RAD51B: variants seen among roughly 807,000 people sequenced by gnomAD.
RAD51B encodes DNA repair protein RAD51 homolog 2.
In RAD51B, 38 loss-of-function variants were observed where a neutral mutation model predicts 42.2. The observed-to-expected ratio is 0.90, with a 90% CI of 0.70 to 1.18. The LOEUF is 1.18. Ranked by LOEUF, RAD51B falls within the 50% of genes most tolerant of loss-of-function variation. The probability of loss-of-function intolerance (pLI) is 0.00; values close to 1 mark genes in which losing one functional copy is unlikely to be tolerated. For synonymous variants in RAD51B, 154 were observed against 145.2 expected, an observed-to-expected ratio of 1.06 and a Z score of -0.43; for missense variants, 373 against 400.7, an observed-to-expected ratio of 0.93 and a Z score of 0.59.
chr14:67,899,084 C>T (rs1294696615), intron 7 of RAD51B, among the ~76,000 whole-genome samples: 1 of 151,870 alleles, frequency 6.6e-6, no homozygotes, highest in Non-Finnish European at 1.5e-5. Context: ...GCTCTGTTGC[C>T]CAGGCTGGAG....
chr14:68,343,878 C>G (rs937203308), intron 8 of RAD51B, among the ~76,000 whole-genome samples: 1 of 152,258 alleles, frequency 6.6e-6, no homozygotes, highest in Non-Finnish European at 1.5e-5. Context: ...GGGCTGCTGG[C>G]TCTGGAGGGC....
intron 10 of RAD51B, among the ~76,000 whole-genome samples, chr14:68,490,147 A>C (rs1283005327): frequency 6.6e-6 from 1 of 152,250 alleles, no homozygotes; most frequent in Non-Finnish European, 1.5e-5. Context: ...ATGGTTTGTT[A>C]TGGAGAATAC....
At chr14:67,954,813 GAGA>G (rs1013649738) in intron 7 of RAD51B, among the ~76,000 whole-genome samples, 25 of 152,142 alleles carry the variant, frequency 1.6e-4, no homozygotes, top group African/African-American at 5.6e-4. Context: ...GGAGTATTTG[GAGA>G]AGAAGAGAAA....
At chr14:67,820,061 G>T (rs1479172233) in intron 1 of RAD51B, among the ~76,000 whole-genome samples, 2 of 152,180 alleles carry the variant, frequency 1.3e-5, no homozygotes, top group Non-Finnish European at 2.9e-5. Flanking sequence ...GGTGGGGAAT[G>T]CTTGGAAGCT....
At chr14:68,260,097 TA>T (rs1243795137) in intron 7 of RAD51B, among the ~76,000 whole-genome samples, 1 of 151,894 alleles carries the variant, frequency 6.6e-6, no homozygotes, top group African/African-American at 2.4e-5. Flanking sequence ...CTGGCTGCTA[TA>T]AAATGGGTGA....
chr14:68,050,413 A>AT (rs2076373561), intron 7 of RAD51B, among the ~76,000 whole-genome samples: 1 of 152,054 alleles, frequency 6.6e-6, no homozygotes, highest in South Asian at 2.1e-4. Context: ...AGGATGTATC[A>AT]TTTTTTAGTC....
chr14:68,366,738 C>T (rs1458106258), intron 8 of RAD51B, among the ~76,000 whole-genome samples: 1 of 152,176 alleles, frequency 6.6e-6, no homozygotes, highest in Non-Finnish European at 1.5e-5. Flanking sequence ...TGTCCCACAC[C>T]CTAGTTTAAT....
At chr14:68,633,208 A>T (rs1361307901) in intron 10 of RAD51B, among the ~76,000 whole-genome samples, 2 of 151,618 alleles carry the variant, frequency 1.3e-5, no homozygotes, top group African/African-American at 4.8e-5. Context: ...CAGACTCTCC[A>T]GGTCCTTGGG....
intron 9 of RAD51B, among the ~76,000 whole-genome samples, chr14:68,461,277 C>T (rs11847185): frequency 0.21 from 31,494 of 149,966 alleles, 3,514 homozygotes; most frequent in Non-Finnish European, 0.23. Flanking sequence ...TGAGGCAGCC[C>T]GCACGGATAC....
intron 7 of RAD51B, among the ~76,000 whole-genome samples, chr14:68,117,294 CAACTT>C (rs944116795): frequency 1.3e-5 from 2 of 152,064 alleles, no homozygotes; most frequent in African/African-American, 2.4e-5. Flanking sequence ...TGAAATATCT[CAACTT>C]AATAGCTGAA....
rs145816149 is a variant in RAD51B at position 68,395,680 on chromosome 14, G to C, written c.854-15744G>C. On this transcript the variant is annotated intron_variant, in intron 8 of 10. Coordinates refer to ENST00000471583, the MANE Select transcript of RAD51B (RefSeq NM_133510.4). ...ACAGCGGATTCCTTTGTCTTGGACA[G>C]AGCCATATACAACTCCAGAGGTTCC... Among the ~76,000 whole-genome samples, 375 of 152,292 alleles carry C rather than the reference G, an allele frequency of 2.5e-3. 1 individual carries two copies. The highest frequency in any genetic ancestry group is 4.5e-3 in the Non-Finnish European group (304 of 68,022).
intron 3 of RAD51B, among the ~76,000 whole-genome samples, chr14:67,829,489 G>T (rs1329546161): frequency 1.3e-5 from 2 of 151,978 alleles, no homozygotes; most frequent in African/African-American, 2.4e-5. Flanking sequence ...TGATCCGCCC[G>T]CCTCGGCCTC....
At chr14:68,637,021 CT>C (rs1484259195) in intron 10 of RAD51B, among the ~76,000 whole-genome samples, 2 of 152,208 alleles carry the variant, frequency 1.3e-5, no homozygotes, top group Non-Finnish European at 2.9e-5. Context: ...TTGTTGATTG[CT>C]GTCCTCAGCT....
intron 10 of RAD51B, among the ~76,000 whole-genome samples, chr14:68,474,231 C>G (rs976984071): frequency 8.3e-6 from 1 of 120,338 alleles, no homozygotes; most frequent in Non-Finnish European, 1.7e-5. Context: ...AGTGTCTACA[C>G]GTTTCCATTT....
intron 7 of RAD51B, chr14:68,125,392 T>A (rs755508357): frequency 6.6e-6 from 1 of 152,208 alleles, no homozygotes; most frequent in Non-Finnish European, 1.5e-5. Context: ...CTTGTTTCCA[T>A]GAGAGCTGGA....
chr14:68,001,391 G>T (rs180801918), intron 7 of RAD51B, among the ~76,000 whole-genome samples: 1 of 151,778 alleles, frequency 6.6e-6, no homozygotes, highest in Admixed American at 6.6e-5. Context: ...TTGCTATATT[G>T]GTGGAAGCTT....
Position 68,477,694 on chromosome 14 carries a change from G to A in RAD51B, c.*30G>A, listed in dbSNP as rs764805487. ...ACTGTGACCTTTGTCTAGAGTTGATGGGGGTGTGATTTGTGAAATAAAACA... is the reference window on the plus strand; with the variant it reads ...ACTGTGACCTTTGTCTAGAGTTGATAGGGGTGTGATTTGTGAAATAAAACA... On this transcript the variant is annotated 3_prime_UTR_variant, in exon 11 of 11. Transcript: ENST00000471583. 6.2e-7 allele frequency: 1 copy of A among 1,610,778 alleles called. No individual in the cohort carries two copies. Among genetic ancestry groups the A allele is most frequent in the East Asian group, 2.2e-5 (1 of 44,850 alleles).
intron 7 of RAD51B, among the ~76,000 whole-genome samples, chr14:68,248,997 C>G (rs1376051953): frequency 6.6e-6 from 1 of 152,268 alleles, no homozygotes; most frequent in Non-Finnish European, 1.5e-5. Flanking sequence ...ACCAGGCCCT[C>G]TGGCAGAGGG....
chr14:68,081,493 T>G (rs140252087), intron 7 of RAD51B, among the ~76,000 whole-genome samples: 4 of 152,380 alleles, frequency 2.6e-5, no homozygotes, highest in African/African-American at 9.6e-5. Context: ...TTATGGCATT[T>G]AAGTTTGGAA....
Sources: allele counts gnomAD v4.1 joint callset (sites outside exome capture counted in the v4.1 genomes callset), GRCh38; gene constraint gnomAD v4.1.1; transcripts MANE v1.5; gene names NCBI Gene and HGNC (gene_info 2026-07-23, HGNC 2026-07-21).